Variants in MDGA2 observed in about 807,000 individuals in gnomAD.
The protein encoded by MDGA2 is MAM domain-containing glycosylphosphatidylinositol anchor protein 2.
In MDGA2, 40 loss-of-function variants were observed where a neutral mutation model predicts 117.8. The observed-to-expected ratio is 0.34, with a 90% confidence interval of 0.26 to 0.44. The LOEUF (loss-of-function observed/expected upper bound fraction) is 0.44. MDGA2 is among the 20% of genes least tolerant of loss of function. The probability of loss-of-function intolerance (pLI) is 1.00; values close to 1 mark genes in which losing one functional copy is unlikely to be tolerated. For synonymous variants in MDGA2, 452 were observed against 439.0 expected, an observed-to-expected ratio of 1.03 and a Z score of -0.37; for missense variants, 1,123 against 1,250.6, an observed-to-expected ratio of 0.90 and a Z score of 1.54.
chr14:47,141,504 T>TA (rs2139192126), intron 4 of MDGA2, among the ~76,000 whole-genome samples: 1 of 152,342 alleles, frequency 6.6e-6, no homozygotes, highest in African/African-American at 2.4e-5. Context: ...GTGTTTATTT[T>TA]ACCTAATATA....
chr14:47,139,337 T>C (rs879918201), intron 4 of MDGA2, among the ~76,000 whole-genome samples: 23 of 152,102 alleles, frequency 1.5e-4, no homozygotes, highest in Non-Finnish European at 3.1e-4. Context: ...ATTACTTGCA[T>C]GTGCTAATGT....
intron 1 of MDGA2, among the ~76,000 whole-genome samples, chr14:47,407,192 G>GATTCTGGT (rs1367865352): frequency 1.3e-5 from 2 of 152,058 alleles, no homozygotes. Flanking sequence ...GCTAATTTAA[G>GATTCTGGT]ATTCTGGTGT....
intron 2 of MDGA2, among the ~76,000 whole-genome samples, chr14:47,298,843 T>C (rs1437894276): frequency 2.6e-5 from 4 of 151,856 alleles, no homozygotes; most frequent in Non-Finnish European, 4.4e-5. Flanking sequence ...CGCGACCACG[T>C]CCGGCTAATT....
At chr14:47,164,179 T>C (rs1883765427) in intron 3 of MDGA2, among the ~76,000 whole-genome samples, 1 of 152,310 alleles carries the variant, frequency 6.6e-6, no homozygotes, top group South Asian at 2.1e-4. Context: ...TCAATAGATA[T>C]AGCTATAAAT....
At chr14:47,202,054 G>C (rs1209009953) in intron 3 of MDGA2, among the ~76,000 whole-genome samples, 2 of 152,086 alleles carry the variant, frequency 1.3e-5, no homozygotes, top group African/African-American at 4.8e-5. Context: ...AATTAAATAT[G>C]ACATATCCCA....
chr14:47,455,088 G>A (rs1008508092), intron 1 of MDGA2, among the ~76,000 whole-genome samples: 31 of 152,204 alleles, frequency 2.0e-4, no homozygotes, highest in African/African-American at 7.0e-4. Context: ...ATGAACATTA[G>A]ATGATAAAGC....
At chr14:47,365,364 ACTC>A (rs1891210125) in intron 1 of MDGA2, among the ~76,000 whole-genome samples, 1 of 152,174 alleles carries the variant, frequency 6.6e-6, no homozygotes, top group South Asian at 2.1e-4. Flanking sequence ...GGCGGAGATA[ACTC>A]TTCCCACAAT....
intron 1 of MDGA2, among the ~76,000 whole-genome samples, chr14:47,561,177 T>TG (rs1566516076): frequency 8.0e-6 from 1 of 124,794 alleles, no homozygotes; most frequent in Admixed American, 8.0e-5. Context: ...TTTTGTTTGT[T>TG]TGTTTTTTTT....
At chr14:47,488,264 T>C (rs1319358910) in intron 1 of MDGA2, among the ~76,000 whole-genome samples, 1 of 152,136 alleles carries the variant, frequency 6.6e-6, no homozygotes, top group Non-Finnish European at 1.5e-5. Flanking sequence ...ATCCAAACTA[T>C]AGTAAGTAAA....
chr14:47,445,275 A>G (rs1893097813), intron 1 of MDGA2, among the ~76,000 whole-genome samples: 1 of 152,176 alleles, frequency 6.6e-6, no homozygotes, highest in South Asian at 2.1e-4. Context: ...GAAAGAAAGA[A>G]GGAAGGAAGA....
intron 9 of MDGA2, among the ~76,000 whole-genome samples, chr14:46,946,096 C>A (rs1377342275): frequency 6.6e-6 from 1 of 151,972 alleles, no homozygotes; most frequent in Non-Finnish European, 1.5e-5. Flanking sequence ...GGACAAAAAT[C>A]TTTAAAACTC....
chr14:47,634,060 G>A (rs1041410239), intron 1 of MDGA2, among the ~76,000 whole-genome samples: 1 of 152,180 alleles, frequency 6.6e-6, no homozygotes, highest in South Asian at 2.1e-4. Context: ...CATATCTTTT[G>A]GGAGGTAATT....
rs566933683 is a variant in MDGA2 at position 47,112,156 on chromosome 14, T to C, written c.926-15033A>G. ...AAAAAAGCGGGAGAGGAAAGAAAGA[T>C]AAAAGAAATGGGAAGAGAAGAGAAA... is the stretch of plus-strand genomic sequence containing the variant. On this transcript the variant is annotated intron_variant, in intron 5 of 16. Coordinates refer to ENST00000399232, the MANE Select transcript of MDGA2 (RefSeq NM_001113498.3). Among the ~76,000 whole-genome samples, 5 of 105,310 alleles carry C rather than the reference T, an allele frequency of 4.7e-5. No individual in the cohort carries two copies. In the South Asian group the frequency reaches 1.2e-3, roughly 25 times the overall value. 69.1% of individuals were successfully genotyped at this position (105,310 alleles called of 152,430 possible). A position where few individuals can be genotyped will look rare whatever the true frequency, so the allele number is the denominator to read the frequency against.
At chr14:47,229,502 A>G (rs1427410009) in intron 2 of MDGA2, among the ~76,000 whole-genome samples, 1 of 152,136 alleles carries the variant, frequency 6.6e-6, no homozygotes, top group Non-Finnish European at 1.5e-5. Context: ...TAATAAAAAT[A>G]CACAAATACA....
At chr14:46,956,574 C>A (rs2138627720) in intron 9 of MDGA2, among the ~76,000 whole-genome samples, 1 of 148,776 alleles carries the variant, frequency 6.7e-6, no homozygotes, top group African/African-American at 2.5e-5. Context: ...TATAAATAAG[C>A]AAATAAACAA....
At chr14:47,053,997 C>T (rs1889571494) in intron 7 of MDGA2, among the ~76,000 whole-genome samples, 1 of 151,876 alleles carries the variant, frequency 6.6e-6, no homozygotes, top group Non-Finnish European at 1.5e-5. Flanking sequence ...CTGGACTCTG[C>T]ACTACATTAG....
intron 3 of MDGA2, chr14:47,200,611 A>G: frequency 4.0e-6 from 5 of 1,265,680 alleles, no homozygotes; most frequent in East Asian, 4.8e-5. Flanking sequence ...AGACCTCTGT[A>G]TATTTGTCAA....
At chr14:46,945,864 C>T (rs1320356890) in intron 9 of MDGA2, among the ~76,000 whole-genome samples, 1 of 151,940 alleles carries the variant, frequency 6.6e-6, no homozygotes, top group East Asian at 1.9e-4. Flanking sequence ...AGGCTGGCTC[C>T]ATTAGTATTT....
chr14:47,660,585 C>T (rs949058058), intron 1 of MDGA2, among the ~76,000 whole-genome samples: 2 of 152,096 alleles, frequency 1.3e-5, no homozygotes, highest in African/African-American at 2.4e-5. Flanking sequence ...AAAAGAAATC[C>T]GCTGATAGAG....
Sources: allele counts gnomAD v4.1 joint callset (sites outside exome capture counted in the v4.1 genomes callset), GRCh38; gene constraint gnomAD v4.1.1; transcripts MANE v1.5; gene names NCBI Gene and HGNC (gene_info 2026-07-23, HGNC 2026-07-21).